The following MALAT1 variants were observed in gnomAD, a reference collection of about 807,000 sequenced individuals.
The protein encoded by MALAT1 is hepcarcin.
chr11:65,499,231 T>G (rs550150238), exon 3 of MALAT1: 1 of 504,698 alleles, frequency 2.0e-6, no homozygotes, highest in East Asian at 5.5e-5. Flanking sequence ...GCTTAAGATT[T>G]TAAGAGAAAA....
exon 4 of MALAT1, chr11:65,506,420 ACTG>A (rs1345133678): frequency 2.7e-6 from 1 of 369,458 alleles, no homozygotes; most frequent in Admixed American, 3.6e-5. Flanking sequence ...GAGAAGCCCT[ACTG>A]CTGAAAACTT....
exon 3 of MALAT1, chr11:65,501,746 T>C (rs777175735): frequency 1.3e-5 from 7 of 518,868 alleles, no homozygotes; most frequent in Admixed American, 3.9e-5. Context: ...TTGGTTCATA[T>C]TCAGTCATCT....
At position 65,501,023 on chromosome 11, in the gene MALAT1, A is replaced by G. The variant is rs760367358; in HGVS notation, n.2286A>G. On this transcript the variant is annotated non_coding_transcript_exon_variant, in exon 3 of 4. Coordinates refer to ENST00000619449, the Ensembl canonical transcript of MALAT1. ...AAGTTTGTGGGTTTTTTTTTTTTAC[A>G]CGAATTTGAGGAAAACCAAATGAAT... The G allele has an allele frequency of 1.2e-5, 6 of 507,064 alleles. No homozygotes were observed. The East Asian group carries it at 3.3e-4, about 28-fold the overall frequency. The allele number at this position is 507,064 out of a possible 1,614,324, so 31.4% of individuals were successfully genotyped here.
At chr11:65,501,163 T>C (rs548704618) in exon 3 of MALAT1, 9 of 516,880 alleles carry the variant, frequency 1.7e-5, no homozygotes, top group African/African-American at 9.8e-5. Flanking sequence ...TTCCTCACCC[T>C]GAATTCGTTT....
At chr11:65,502,317 A>ACCC (rs1565053658) in exon 3 of MALAT1, 1 of 516,848 alleles carries the variant, frequency 1.9e-6, no homozygotes, top group Non-Finnish European at 3.9e-6. Context: ...TAAAACTACT[A>ACCC]TAGAAACTGC....
chr11:65,500,096 G>T lies in MALAT1; in HGVS notation n.1359G>T, dbSNP rs913339220. On this transcript the variant is annotated non_coding_transcript_exon_variant, in exon 3 of 4. Coordinates refer to ENST00000619449, the Ensembl canonical transcript of MALAT1. ...TTGAGAAGATGAGGGTGTTTACGTA[G>T]ACCAGAACCAATTTAGAAGAATACT... 4 of 465,650 alleles carry T rather than the reference G, an allele frequency of 8.6e-6. No homozygotes were observed. The Admixed American group carries it at 9.3e-5, about 11-fold the overall frequency. 28.8% of individuals were successfully genotyped at this position (465,650 alleles called of 1,614,324 possible). A position where few individuals can be genotyped will look rare whatever the true frequency, so the allele number is the denominator to read the frequency against.
chr11:65,501,142 C>G (rs767730398), exon 3 of MALAT1: 5 of 509,520 alleles, frequency 9.8e-6, no homozygotes, highest in South Asian at 7.0e-5. Context: ...GAATAGATGA[C>G]CTGTTTTTAC....
chr11:65,506,024 G>T, intron 3 of MALAT1: 1 of 458,806 alleles, frequency 2.2e-6, no homozygotes, highest in South Asian at 1.6e-5. Context: ...GTAGGGTCAT[G>T]AAGGTTTTTC....
exon 3 of MALAT1, chr11:65,502,772 A>G: frequency 1.9e-6 from 1 of 515,858 alleles, no homozygotes; most frequent in Non-Finnish European, 3.9e-6. Context: ...TTGGGGAATA[A>G]GCATAACCCT....
At chr11:65,498,381 G>C in intron 1 of MALAT1, 1 of 518,458 alleles carries the variant, frequency 1.9e-6, no homozygotes, top group South Asian at 1.4e-5. Context: ...TGGGCCACTG[G>C]CAGCCAACGG....
chr11:65,502,761 A>T (rs1259516311), exon 3 of MALAT1: 3 of 516,290 alleles, frequency 5.8e-6, no homozygotes, highest in Non-Finnish European at 1.2e-5. Context: ...TCATACCTCC[A>T]TTGGGGAATA....
At chr11:65,497,758 T>G (rs1854417125) in exon 1 of MALAT1, 1 of 426,990 alleles carries the variant, frequency 2.3e-6, no homozygotes, top group South Asian at 1.7e-5. Flanking sequence ...AGCCCGAGAC[T>G]TCTGTAAAGG....
At chr11:65,498,392 C>T (rs764259053) in intron 1 of MALAT1, 2 of 518,218 alleles carry the variant, frequency 3.9e-6, no homozygotes, top group Admixed American at 3.9e-5. Context: ...CAGCCAACGG[C>T]CCCCGGGGCT....
At chr11:65,499,996 A>G in exon 3 of MALAT1, 1 of 425,734 alleles carries the variant, frequency 2.3e-6, no homozygotes, top group South Asian at 1.7e-5. Context: ...AAAAATGAGG[A>G]AATTATTGGT....
exon 3 of MALAT1, chr11:65,500,073 G>T: frequency 2.2e-6 from 1 of 452,788 alleles, no homozygotes; most frequent in Non-Finnish European, 4.4e-6. Context: ...GGTAAAGCTT[G>T]AGAAGATGAG....
exon 3 of MALAT1, chr11:65,501,272 C>A: frequency 1.9e-6 from 1 of 516,180 alleles, no homozygotes; most frequent in Non-Finnish European, 3.9e-6. Flanking sequence ...GTTCTTTTTC[C>A]CTTAGGTCTG....
exon 3 of MALAT1, chr11:65,503,847 A>C: frequency 1.9e-6 from 1 of 518,330 alleles, no homozygotes; most frequent in African/African-American, 1.9e-5. Context: ...GCATATAATA[A>C]TTCCAGGCAC....
At chr11:65,498,078 A>G (rs757245970) in intron 1 of MALAT1, 1 of 518,996 alleles carries the variant, frequency 1.9e-6, no homozygotes, top group East Asian at 5.4e-5. Context: ...TCTGAAGCTC[A>G]TACCTAACCA....
intron 3 of MALAT1, chr11:65,506,097 TAAAAA>T (rs11367099): frequency 8.5e-6 from 3 of 353,564 alleles, no homozygotes; most frequent in South Asian, 2.2e-5. Flanking sequence ...TTTTCTAGCT[TAAAAA>T]AAAAAAAAGC....
Sources: gnomAD v4.1 joint callset for allele counts on GRCh38, gnomAD v4.1.1 for gene constraint, MANE v1.5 for transcripts, NCBI Gene and HGNC (gene_info 2026-07-23, HGNC 2026-07-21) for gene names.